The following ZMIZ1 variants were observed in gnomAD, a reference collection of about 807,000 sequenced individuals.
ZMIZ1 encodes zinc finger MIZ-type containing 1.
In ZMIZ1, 17 loss-of-function variants were observed where a neutral mutation model predicts 113.9. That is an observed-to-expected ratio of 0.15 (90% CI 0.10 to 0.22). ZMIZ1 has a LOEUF of 0.22. Ranked by LOEUF, ZMIZ1 falls within the 10% of genes least tolerant of loss-of-function variation. ZMIZ1 has a pLI of 1.00. For missense variants in ZMIZ1, 1,059 were observed against 1,477.8 expected (o/e 0.72, Z 4.65); for synonymous variants, 607 against 603.1 (o/e 1.01, Z -0.09).
At chr10:79,137,836 G>T (rs1359118176) in intron 2 of ZMIZ1, among the ~76,000 whole-genome samples, 2 of 150,550 alleles carry the variant, frequency 1.3e-5, no homozygotes, top group Admixed American at 6.6e-5. Context: ...TGGGGGGGGG[G>T]TGCTCCTAGG....
intron 7 of ZMIZ1, among the ~76,000 whole-genome samples, chr10:79,227,622 A>G (rs757595940): frequency 1.3e-5 from 2 of 152,208 alleles, no homozygotes; most frequent in Non-Finnish European, 2.9e-5. Flanking sequence ...GGTGTATAGG[A>G]CATGCTGTAT....
intron 2 of ZMIZ1, among the ~76,000 whole-genome samples, chr10:79,129,206 TGAGTTCCA>T (rs1221077302): frequency 2.6e-5 from 4 of 152,216 alleles, no homozygotes; most frequent in Admixed American, 1.3e-4. Context: ...TTATAAGCTC[TGAGTTCCA>T]GATGAGGAAA....
At chr10:79,078,146 T>C (rs539376226) in intron 1 of ZMIZ1, among the ~76,000 whole-genome samples, 1 of 152,110 alleles carries the variant, frequency 6.6e-6, no homozygotes, top group East Asian at 1.9e-4. Context: ...GAGAGGGAGG[T>C]GTTGCATCTG....
Position 79,274,811 on chromosome 10 carries a change from GAA to G in ZMIZ1, c.281-2368_281-2367del, listed in dbSNP as rs533931257. ...CCAGCCTGCCTTTATTCCCTTTATG[GAA>G]ACCACTCCACTAGGGGCAGGAGGAC... On this transcript the variant is annotated intron_variant, in intron 7 of 24. Coordinates refer to ENST00000334512, the MANE Select transcript of ZMIZ1 (RefSeq NM_020338.4). Among the ~76,000 whole-genome samples the G allele has an allele frequency of 4.9e-4, 74 of 152,344 alleles. 1 individual carries two copies. The highest frequency in any genetic ancestry group is 1.7e-3 in the African/African-American group (70 of 41,596).
At chr10:79,292,871 GGTGGGAACT>G (rs1853596061) in intron 11 of ZMIZ1, 1 of 463,068 alleles carries the variant, frequency 2.2e-6, no homozygotes, top group Non-Finnish European at 4.3e-6. Flanking sequence ...GAGGTGAGGA[GGTGGGAACT>G]GCAGGGCAGA....
chr10:79,279,860 G>A (rs1040385708), intron 8 of ZMIZ1, among the ~76,000 whole-genome samples: 1 of 152,216 alleles, frequency 6.6e-6, no homozygotes, highest in Non-Finnish European at 1.5e-5. Context: ...CACTCGGCAG[G>A]CTGAGGCAGG....
intron 7 of ZMIZ1, among the ~76,000 whole-genome samples, chr10:79,258,350 C>G (rs1308077150): frequency 6.6e-6 from 1 of 152,058 alleles, no homozygotes; most frequent in African/African-American, 2.4e-5. Context: ...CAGCACTGCA[C>G]TCCAGCCTGG....
chr10:79,170,843 C>T (rs1291749248), intron 4 of ZMIZ1, among the ~76,000 whole-genome samples: 1 of 152,094 alleles, frequency 6.6e-6, no homozygotes, highest in Non-Finnish European at 1.5e-5. Flanking sequence ...TCTGGGCCAA[C>T]CCATGCGGCC....
At chr10:79,185,139 G>A (rs994294634) in intron 4 of ZMIZ1, among the ~76,000 whole-genome samples, 45 of 152,134 alleles carry the variant, frequency 3.0e-4, no homozygotes, top group African/African-American at 1.0e-3. Flanking sequence ...GCCAAGCCTT[G>A]GTCTCCCATC....
Position 79,263,390 on chromosome 10 carries a change from A to G in ZMIZ1, c.281-13791A>G, listed in dbSNP as rs1046414911. Among the ~76,000 whole-genome samples the G allele has an allele frequency of 3.9e-5, 6 of 152,066 alleles. 1 individual carries two copies. The highest frequency in any genetic ancestry group is 1.3e-4 in the Admixed American group (2 of 15,256). On this transcript the variant is annotated intron_variant, in intron 7 of 24. Transcript: ENST00000334512. Reference sequence around the variant, plus strand: ...AGGGTGGGGTGGAGTCGGGGGTGCAAATGGTTGGAGGTGAGATGGTAGAGT... The same window carrying G: ...AGGGTGGGGTGGAGTCGGGGGTGCAGATGGTTGGAGGTGAGATGGTAGAGT...
chr10:79,097,290 C>T (rs141682859), intron 1 of ZMIZ1, among the ~76,000 whole-genome samples: 311 of 152,346 alleles, frequency 2.0e-3, no homozygotes, highest in Middle Eastern at 6.8e-3. Flanking sequence ...GAAGGGAGGC[C>T]TGGCCTGAGC....
At chr10:79,219,586 G>A (rs567510475) in intron 7 of ZMIZ1, among the ~76,000 whole-genome samples, 2 of 152,312 alleles carry the variant, frequency 1.3e-5, no homozygotes, top group East Asian at 1.9e-4. Flanking sequence ...CAAGGCCTCT[G>A]AGTGGCATTC....
intron 7 of ZMIZ1, among the ~76,000 whole-genome samples, chr10:79,244,642 G>A (rs1165220814): frequency 6.6e-6 from 1 of 152,236 alleles, no homozygotes; most frequent in Non-Finnish European, 1.5e-5. Context: ...CAGGGCTGAT[G>A]GCTCTTCCAG....
chr10:79,249,371 G>A (rs558468479), intron 7 of ZMIZ1, among the ~76,000 whole-genome samples: 1 of 152,350 alleles, frequency 6.6e-6, no homozygotes, highest in South Asian at 2.1e-4. Context: ...TTCGTGACTT[G>A]CATCCACGCT....
rs1416099292 is a variant in ZMIZ1, at chr10:79,069,376, C to T, written c.-337+106C>T. ...GGGGATTGGGTGCTGGGGTTTTTCC[C>T]TTAAAGTGTCCCCCGGAGCGGGGCG... On this transcript the variant is annotated intron_variant, in intron 1 of 24. Transcript: ENST00000334512. The surrounding 1 kb of genome is among the most constrained non-coding windows in gnomAD (Gnocchi z 4.6). The T allele has an allele frequency of 6.7e-6, 1 of 150,296 alleles. No individual in the cohort carries two copies. The highest frequency in any genetic ancestry group is 1.5e-5 in the Non-Finnish European group (1 of 67,398). The allele number at this position is 150,296 out of a possible 1,614,324, so 9.3% of individuals were successfully genotyped here.
chr10:79,243,405 G>A (rs1206250732), intron 7 of ZMIZ1, among the ~76,000 whole-genome samples: 1 of 149,416 alleles, frequency 6.7e-6, no homozygotes, highest in Non-Finnish European at 1.5e-5. Context: ...GGCTTCGCCC[G>A]GGAAGCTGGA....
chr10:79,093,135 A>AACAC (rs5786379), intron 1 of ZMIZ1, among the ~76,000 whole-genome samples: 3,080 of 107,884 alleles, frequency 0.029, 54 homozygotes, highest in Middle Eastern at 0.048. Context: ...CCCCACCCCC[A>AACAC]ACACACACAC....
chr10:79,104,449 T>C (rs560383080), intron 1 of ZMIZ1, among the ~76,000 whole-genome samples: 80 of 152,308 alleles, frequency 5.3e-4, no homozygotes, highest in South Asian at 2.1e-3. Context: ...CAGGATAATC[T>C]CCTGGCTTGT....
chr10:79,180,344 G>C (rs1847064725), intron 4 of ZMIZ1, among the ~76,000 whole-genome samples: 1 of 152,184 alleles, frequency 6.6e-6, no homozygotes, highest in South Asian at 2.1e-4. Flanking sequence ...AGTGATGTTG[G>C]CTGTGGGGGT....
Sources: allele counts gnomAD v4.1 joint callset (sites outside exome capture counted in the v4.1 genomes callset), GRCh38; gene constraint gnomAD v4.1.1; non-coding constraint Gnocchi (gnomAD v3.1); transcripts MANE v1.5; gene names NCBI Gene and HGNC (gene_info 2026-07-23, HGNC 2026-07-21).